IGSF10: variants seen among roughly 807,000 people sequenced by gnomAD.
IGSF10 encodes the protein immunoglobulin superfamily member 10.
Under a neutral mutation model 128.2 loss-of-function variants are expected in IGSF10, and 126 were observed. That is an observed-to-expected ratio of 0.98 (90% confidence interval 0.85 to 1.14). The LOEUF (loss-of-function observed/expected upper bound fraction) is 1.14, where lower values mean the gene tolerates loss of function less well. Ranked by LOEUF, IGSF10 falls within the 50% of genes most tolerant of loss-of-function variation. IGSF10 has a pLI of 0.00. For missense variants in IGSF10, 3,295 were observed against 3,149.8 expected, an observed-to-expected ratio of 1.05 and a Z score of -1.10; for synonymous variants, 1,185 against 1,146.2, an observed-to-expected ratio of 1.03 and a Z score of -0.68.
the IGSF10 span, among the ~76,000 whole-genome samples, chr3:151,538,720 T>C: frequency 6.6e-6 from 1 of 152,148 alleles, no homozygotes; most frequent in Non-Finnish European, 1.5e-5. Flanking sequence ...AACATTACTC[T>C]TTCAACCCCC....
the IGSF10 span, among the ~76,000 whole-genome samples, chr3:151,512,984 C>T: frequency 4.6e-5 from 7 of 152,160 alleles, no homozygotes; most frequent in South Asian, 4.1e-4. Context: ...AGCTTACCAA[C>T]CAAAAAAAGT....
At chr3:151,540,021 G>C in the IGSF10 span, among the ~76,000 whole-genome samples, 731 of 152,240 alleles carry the variant, frequency 4.8e-3, 9 homozygotes, top group Non-Finnish European at 8.3e-3. Context: ...CTGGGCGTCA[G>C]TGGTGTCATT....
chr3:151,461,176 G>T, upstream of IGSF10: 2 of 985,406 alleles, frequency 2.0e-6, no homozygotes, highest in Non-Finnish European at 2.4e-6. Context: ...GTTTACGAGC[G>T]TGTGGGAAGC....
At chr3:151,533,739 C>G in the IGSF10 span, among the ~76,000 whole-genome samples, 1 of 152,164 alleles carries the variant, frequency 6.6e-6, no homozygotes, top group African/African-American at 2.4e-5. Context: ...AGGACATAGG[C>G]ATGGGCAAGG....
At chr3:151,519,047 T>C in the IGSF10 span, among the ~76,000 whole-genome samples, 2 of 151,864 alleles carry the variant, frequency 1.3e-5, no homozygotes, top group Non-Finnish European at 2.9e-5. Flanking sequence ...GCCAAGAAAA[T>C]GAAATGGTTC....
the IGSF10 span, among the ~76,000 whole-genome samples, chr3:151,484,167 A>G: frequency 6.6e-6 from 1 of 152,206 alleles, no homozygotes; most frequent in African/African-American, 2.4e-5. Flanking sequence ...CCCTCACAGT[A>G]TAAACAAAGC....
chr3:151,457,294 A>G, intron 3 of IGSF10, 139 bp from the exon 4 acceptor site: 1 of 796,754 alleles, frequency 1.3e-6, no homozygotes, highest in Non-Finnish European at 1.9e-6. Flanking sequence ...TGCTTCAAAA[A>G]CTGAAATTCA....
the IGSF10 span, among the ~76,000 whole-genome samples, chr3:151,555,631 A>C: frequency 2.0e-5 from 3 of 152,286 alleles, no homozygotes; most frequent in East Asian, 5.8e-4. Context: ...TTGAGTCTAG[A>C]GAACAGGGCC....
the IGSF10 span, among the ~76,000 whole-genome samples, chr3:151,547,109 G>A: frequency 6.6e-6 from 1 of 151,808 alleles, no homozygotes; most frequent in Non-Finnish European, 1.5e-5. Flanking sequence ...TGTTTATATT[G>A]CTTCTTCAGG....
chr3:151,570,482 C>A, the IGSF10 span, among the ~76,000 whole-genome samples: 1 of 152,138 alleles, frequency 6.6e-6, no homozygotes, highest in East Asian at 1.9e-4. Flanking sequence ...TCTCTGATGG[C>A]CAGTGATGAT....
the IGSF10 span, among the ~76,000 whole-genome samples, chr3:151,562,551 C>T: frequency 6.6e-6 from 1 of 152,078 alleles, no homozygotes; most frequent in Non-Finnish European, 1.5e-5. Context: ...ATAAAGATGA[C>T]ACATACTGTT....
chr3:151,436,821 T>TC lies in IGSF10; in HGVS notation c.7739dup (p.Ser2581LysfsTer2). On this transcript the variant is annotated frameshift_variant, in exon 8 of 8. Transcript: ENST00000282466. LOFTEE classifies it low-confidence loss of function (END_TRUNC). ...TACCTTGTAAGTGAAGCTGCTCACT[T>TC]CCATGTGTCCTCTCTTTACTTGCCG... is the stretch of plus-strand genomic sequence containing the variant. 6.2e-7 allele frequency: 1 copy of TC among 1,614,156 alleles called. No homozygotes were observed. The highest frequency in any genetic ancestry group is 1.3e-5 in the African/African-American group (1 of 75,042).
chr3:151,478,010 A>G, the IGSF10 span, among the ~76,000 whole-genome samples: 17 of 152,364 alleles, frequency 1.1e-4, no homozygotes, highest in South Asian at 3.5e-3. Context: ...TAAAAATTCA[A>G]AATCCATTCT....
At chr3:151,617,392 A>G in the IGSF10 span, among the ~76,000 whole-genome samples, 1 of 89,908 alleles carries the variant, frequency 1.1e-5, no homozygotes, top group Admixed American at 1.2e-4. Context: ...CTCTTTCTTC[A>G]TCTTCTTTTT....
downstream of IGSF10, chr3:151,434,425 G>C (rs1193504113): frequency 6.6e-6 from 1 of 152,150 alleles, no homozygotes; most frequent in Non-Finnish European, 1.5e-5. Context: ...TTTCACTCCA[G>C]CCTGCCCATT....
At chr3:151,588,733 T>C in the IGSF10 span, among the ~76,000 whole-genome samples, 1 of 152,186 alleles carries the variant, frequency 6.6e-6, no homozygotes, top group Admixed American at 6.5e-5. Flanking sequence ...TCTGCCCTAA[T>C]GGGGCTTACA....
At chr3:151,567,419 T>C in the IGSF10 span, among the ~76,000 whole-genome samples, 1 of 152,214 alleles carries the variant, frequency 6.6e-6, no homozygotes, top group Non-Finnish European at 1.5e-5. Context: ...TGCTAGGGTG[T>C]ATAGTTGGGA....
chr3:151,539,189 T>C, the IGSF10 span, among the ~76,000 whole-genome samples: 2 of 152,180 alleles, frequency 1.3e-5, no homozygotes, highest in Non-Finnish European at 2.9e-5. Context: ...GTCCACATGT[T>C]ACACATGACT....
the IGSF10 span, among the ~76,000 whole-genome samples, chr3:151,556,966 T>G: frequency 1.9e-4 from 29 of 152,076 alleles, no homozygotes; most frequent in African/African-American, 6.5e-4. Flanking sequence ...GAATTTCGGT[T>G]TGTGAGGAAA....
Sources: gnomAD v4.1 joint callset for allele counts (sites outside exome capture counted in the v4.1 genomes callset) on GRCh38, gnomAD v4.1.1 for gene constraint, MANE v1.5 for transcripts, NCBI Gene and HGNC (gene_info 2026-07-23, HGNC 2026-07-21) for gene names.